The following ULK2 variants were observed in gnomAD, a reference collection of about 807,000 sequenced individuals.
ULK2 encodes unc-51 like autophagy activating kinase 2.
Under a neutral mutation model 127.5 loss-of-function variants are expected in ULK2, and 76 were observed. That is an observed-to-expected ratio of 0.60 (90% CI 0.50 to 0.72). The LOEUF (loss-of-function observed/expected upper bound fraction) is 0.72. ULK2 is among the 30% of genes least tolerant of loss of function. The pLI is 0.00. For synonymous variants in ULK2, 452 were observed against 461.9 expected (o/e 0.98, Z 0.28); for missense variants, 1,144 against 1,295.9 (o/e 0.88, Z 1.80).
intron 10 of ULK2, among the ~76,000 whole-genome samples, chr17:19,830,618 TAAA>T (rs3866960): frequency 0.01 from 1,407 of 138,682 alleles, 20 homozygotes; most frequent in African/African-American, 0.029. Context: ...TGAGATTGTT[TAAA>T]AAAAAAAAAA....
At chr17:19,792,731 C>CA (rs2087182217) in intron 20 of ULK2, among the ~76,000 whole-genome samples, 1 of 150,638 alleles carries the variant, frequency 6.6e-6, no homozygotes. Flanking sequence ...CAAAAAAACA[C>CA]AAAAAAACAA....
intron 3 of ULK2, among the ~76,000 whole-genome samples, chr17:19,852,836 G>A (rs2152400363): frequency 6.6e-6 from 1 of 151,842 alleles, no homozygotes. Flanking sequence ...ATTTTTAGTA[G>A]AGACAGGGTT....
Position 19,867,444 on chromosome 17 carries a change from A to C in ULK2, c.-27T>G. The C allele has an allele frequency of 1.9e-6, 3 of 1,578,414 alleles. No individual in the cohort carries two copies. Among genetic ancestry groups the C allele is most frequent in the Non-Finnish European group, 2.6e-6 (3 of 1,163,886 alleles). On this transcript the variant is annotated 5_prime_UTR_variant, in exon 1 of 27. Coordinates refer to ENST00000395544, the MANE Select transcript of ULK2 (RefSeq NM_014683.4). ...GCCGCGCCCCCGGGGCACACAGCGG[A>C]CGGGCGGGCGGCGCAGTGCGGCGCA...
At chr17:19,845,680 A>C (rs1247907675) in intron 6 of ULK2, among the ~76,000 whole-genome samples, 2 of 152,218 alleles carry the variant, frequency 1.3e-5, no homozygotes, top group Non-Finnish European at 2.9e-5. Context: ...TTAAATATCA[A>C]TACCAGATGT....
At chr17:19,819,140 C>T (rs921960390) in intron 12 of ULK2, among the ~76,000 whole-genome samples, 2 of 152,140 alleles carry the variant, frequency 1.3e-5, no homozygotes, top group African/African-American at 4.8e-5. Flanking sequence ...GTGTCACATC[C>T]TATATATCCC....
intron 16 of ULK2, 24 bp from the exon 17 acceptor site, chr17:19,799,599 A>G: frequency 7.7e-7 from 1 of 1,298,250 alleles, no homozygotes; most frequent in Non-Finnish European, 1.0e-6. Context: ...AAAAAAAAAG[A>G]TGGGGAAAGG....
chr17:19,788,283 C>T (rs1029140109), intron 20 of ULK2, among the ~76,000 whole-genome samples: 1 of 151,842 alleles, frequency 6.6e-6, no homozygotes, highest in Admixed American at 6.6e-5. Context: ...CCAGGCAGCG[C>T]AGCTCACAGC....
intron 19 of ULK2, 135 bp from the exon 20 acceptor site, chr17:19,795,860 A>C: frequency 1.0e-6 from 1 of 952,426 alleles, no homozygotes; most frequent in Non-Finnish European, 1.6e-6. Context: ...CTTCAATAAT[A>C]CAAATAAAGG....
intron 14 of ULK2, among the ~76,000 whole-genome samples, chr17:19,809,823 T>C (rs1007101838): frequency 6.6e-6 from 1 of 151,420 alleles, no homozygotes; most frequent in Admixed American, 6.6e-5. Context: ...GAGAATGGCT[T>C]GAACCCAGGA....
At chr17:19,826,344 A>G (rs1426094710) in intron 10 of ULK2, among the ~76,000 whole-genome samples, 158 bp from the exon 11 acceptor site, 1 of 152,024 alleles carries the variant, frequency 6.6e-6, no homozygotes, top group East Asian at 1.9e-4. Context: ...CGTATTTTTT[A>G]TAAATCCTCT....
Position 19,867,444 on chromosome 17 carries a change from A to T in ULK2, c.-27T>A. On this transcript the variant is annotated 5_prime_UTR_variant, in exon 1 of 27. Transcript: ENST00000395544. ...GCCGCGCCCCCGGGGCACACAGCGG[A>T]CGGGCGGGCGGCGCAGTGCGGCGCA... 2 of 1,578,414 alleles carry T rather than the reference A, an allele frequency of 1.3e-6. No homozygotes were observed. The highest frequency in any genetic ancestry group is 1.7e-6 in the Non-Finnish European group (2 of 1,163,886).
intron 10 of ULK2, among the ~76,000 whole-genome samples, chr17:19,836,038 A>G (rs1228806018): frequency 6.6e-6 from 1 of 151,550 alleles, no homozygotes; most frequent in Non-Finnish European, 1.5e-5. Context: ...AGGCCAAGGC[A>G]GGTGGATCAC....
chr17:19,786,721 A>C (rs1214608362), intron 20 of ULK2, among the ~76,000 whole-genome samples: 4 of 151,786 alleles, frequency 2.6e-5, no homozygotes, highest in Non-Finnish European at 5.9e-5. Context: ...CTCAAAAAAA[A>C]AAAAAAAAGA....
intron 17 of ULK2, among the ~76,000 whole-genome samples, chr17:19,798,454 G>A (rs2087322873): frequency 6.6e-6 from 1 of 152,170 alleles, no homozygotes; most frequent in Non-Finnish European, 1.5e-5. Context: ...ACTCTTTGGA[G>A]TTTCTTAGAA....
intron 10 of ULK2, among the ~76,000 whole-genome samples, chr17:19,833,520 C>A (rs1174096944): frequency 6.6e-6 from 1 of 151,936 alleles, no homozygotes; most frequent in Non-Finnish European, 1.5e-5. Flanking sequence ...ACCAGCCTGG[C>A]CCACATGGTG....
Position 19,838,564 on chromosome 17 carries a change from G to C in ULK2, c.724C>G (p.Pro242Ala). 6.2e-7 allele frequency: 1 copy of C among 1,613,050 alleles called. No individual in the cohort carries two copies. Among genetic ancestry groups the C allele is most frequent in the Non-Finnish European group, 8.5e-7 (1 of 1,179,636 alleles). ...LMPSIPRETSPYLANLLLGLL... is the reference protein window; with the variant it reads ...LMPSIPRETSAYLANLLLGLL... ...CCCAAAAGGAGATTAGCCAAATAAG[G>C]TGATGTTTCTCTGGGAATACTGGGG... Residue 242 changes from proline to alanine, a missense_variant, in exon 10 of 27, where the codon CCT becomes GCT. Pro to Ala is a conservative substitution (Grantham distance 27, BLOSUM62 -1). Coordinates refer to ENST00000395544, the MANE Select transcript of ULK2 (RefSeq NM_014683.4).
At position 19,773,158 on chromosome 17, in the gene ULK2, T is replaced by A. The variant is rs963999202; in HGVS notation, c.*3191A>T. The A allele has an allele frequency of 9.2e-5, 14 of 152,020 alleles. No homozygotes were observed. Among genetic ancestry groups the A allele is most frequent in the African/African-American group, 3.4e-4 (14 of 41,338 alleles). 9.4% of individuals were successfully genotyped at this position (152,020 alleles called of 1,614,324 possible). A position where few individuals can be genotyped will look rare whatever the true frequency, so the allele number is the denominator to read the frequency against. Reference sequence around the variant, plus strand: ...TGAGCGTGGTGGCGCATGTCTGTAATCCTAGCTACCTGGGAGGCTGAGGAA... The same window carrying A: ...TGAGCGTGGTGGCGCATGTCTGTAAACCTAGCTACCTGGGAGGCTGAGGAA... On this transcript the variant is annotated 3_prime_UTR_variant, in exon 27 of 27. Coordinates refer to ENST00000395544, the MANE Select transcript of ULK2 (RefSeq NM_014683.4).
rs2086789899 is a variant in ULK2, at chr17:19,774,977, C to T, written c.*1372G>A. 6.6e-6 allele frequency: 1 copy of T among 152,562 alleles called. No individual in the cohort carries two copies. Among genetic ancestry groups the T allele is most frequent in the Non-Finnish European group, 1.5e-5 (1 of 68,016 alleles). 9.5% of individuals were successfully genotyped at this position (152,562 alleles called of 1,614,324 possible). On this transcript the variant is annotated 3_prime_UTR_variant, in exon 27 of 27. Transcript: ENST00000395544. ...GATAAATAAGGTAAAAATTACATTA[C>T]TTTGTCAAAGTAAAGGAAAACCATG...
intron 4 of ULK2, 121 bp downstream of exon 4, chr17:19,849,621 T>C: frequency 3.6e-6 from 3 of 833,344 alleles, no homozygotes; most frequent in Non-Finnish European, 5.5e-6. Flanking sequence ...AATAATCTAC[T>C]ACCAATTTTA....
Sources: allele counts gnomAD v4.1 joint callset (sites outside exome capture counted in the v4.1 genomes callset), GRCh38; gene constraint gnomAD v4.1.1; transcripts MANE v1.5; gene names NCBI Gene and HGNC (gene_info 2026-07-23, HGNC 2026-07-21).